Variants in RFX3 observed in about 807,000 individuals in gnomAD.
RFX3 encodes transcription factor RFX3.
RFX3 carries 14 observed loss-of-function variants against 98.6 expected under a neutral mutation model. The observed-to-expected ratio is 0.14, with a 90% CI of 0.09 to 0.22. The LOEUF is 0.22. Among genes scored for constraint, RFX3 ranks in the 10% least tolerant of loss-of-function variants. RFX3 has a pLI of 1.00. For synonymous variants in RFX3, 383 were observed against 328.4 expected (o/e 1.17, Z -1.80); for missense variants, 639 against 926.9 (o/e 0.69, Z 4.03).
At chr9:3,353,699 C>G (rs1474061522) in intron 2 of RFX3, among the ~76,000 whole-genome samples, 2 of 151,982 alleles carry the variant, frequency 1.3e-5, no homozygotes, top group African/African-American at 4.8e-5. Flanking sequence ...TAACTGACTA[C>G]CCAAAACAAA....
chr9:3,366,632 C>CT (rs33909831), intron 2 of RFX3, among the ~76,000 whole-genome samples: 16 of 145,462 alleles, frequency 1.1e-4, no homozygotes, highest in South Asian at 8.5e-4. Flanking sequence ...ATTTTCTTTT[C>CT]TTTTTTTTTT....
intron 7 of RFX3, among the ~76,000 whole-genome samples, chr9:3,285,615 G>A (rs1300912163): frequency 1.3e-5 from 2 of 151,544 alleles, no homozygotes; most frequent in African/African-American, 4.8e-5. Context: ...ATTGGCAACA[G>A]TAACACTGCA....
chr9:3,473,375 A>G (rs549670126), intron 1 of RFX3, among the ~76,000 whole-genome samples: 1 of 152,212 alleles, frequency 6.6e-6, no homozygotes, highest in African/African-American at 2.4e-5. Context: ...GAGATCTGAA[A>G]ATCACTAAAA....
At chr9:3,412,982 C>G (rs1223957187) in intron 1 of RFX3, among the ~76,000 whole-genome samples, 1 of 151,950 alleles carries the variant, frequency 6.6e-6, no homozygotes, top group African/African-American at 2.4e-5. Context: ...TATATTGAGT[C>G]TAAAAATCAC....
At chr9:3,466,831 A>G (rs1433768325) in intron 1 of RFX3, among the ~76,000 whole-genome samples, 1 of 151,802 alleles carries the variant, frequency 6.6e-6, no homozygotes, top group Non-Finnish European at 1.5e-5. Flanking sequence ...TCTATCCCTG[A>G]AACAGAATAA....
intron 1 of RFX3, among the ~76,000 whole-genome samples, chr9:3,493,000 T>C (rs1035331227): frequency 4.6e-5 from 7 of 152,156 alleles, no homozygotes; most frequent in Admixed American, 3.3e-4. Context: ...TGAATCTTCA[T>C]TATAACTCAT....
intron 1 of RFX3, among the ~76,000 whole-genome samples, chr9:3,396,388 G>A (rs1840878846): frequency 2.0e-5 from 3 of 152,222 alleles, no homozygotes; most frequent in South Asian, 4.2e-4. Flanking sequence ...TTTTATGGCT[G>A]CATAGTATTC....
intron 1 of RFX3, among the ~76,000 whole-genome samples, chr9:3,437,447 AGAATACCCT>A (rs1845234521): frequency 6.6e-6 from 1 of 152,104 alleles, no homozygotes; most frequent in Non-Finnish European, 1.5e-5. Flanking sequence ...AGAATGAACA[AGAATACCCT>A]GATTTATATA....
intron 1 of RFX3, among the ~76,000 whole-genome samples, chr9:3,518,174 T>C (rs1818359003): frequency 6.6e-6 from 1 of 152,226 alleles, no homozygotes; most frequent in Non-Finnish European, 1.5e-5. Context: ...GGGTACACTC[T>C]ATGATGTTCA....
At chr9:3,521,443 TTAAA>T (rs899711916) in intron 1 of RFX3, among the ~76,000 whole-genome samples, 3 of 152,168 alleles carry the variant, frequency 2.0e-5, no homozygotes, top group Admixed American at 1.3e-4. Flanking sequence ...ATTTTTTTCT[TTAAA>T]TAAAAGTTCT....
intron 1 of RFX3, among the ~76,000 whole-genome samples, chr9:3,505,921 T>C (rs1817045496): frequency 6.6e-6 from 1 of 151,874 alleles, no homozygotes; most frequent in African/African-American, 2.4e-5. Flanking sequence ...CCTTGAAGAA[T>C]GATCAGTTTT....
intron 2 of RFX3, among the ~76,000 whole-genome samples, chr9:3,388,960 G>C (rs1244399754): frequency 6.6e-6 from 1 of 152,110 alleles, no homozygotes; most frequent in Non-Finnish European, 1.5e-5. Context: ...AGATAGTAGA[G>C]AGGAGGACTA....
chr9:3,316,774 T>C lies in RFX3; in HGVS notation c.474+13485A>G, dbSNP rs373658629. 2.8e-4 allele frequency among the ~76,000 whole-genome samples: 42 copies of C among 152,090 alleles called. 1 individual carries two copies. In the East Asian group the frequency reaches 4.6e-3, roughly 17 times the overall value. On this transcript the variant is annotated intron_variant, in intron 4 of 16. Transcript: ENST00000617270. ...GAATGAACTCCCATTCACAATTGCA[T>C]CAAAGAGAATAAAATACCTAGGAAT... is the stretch of plus-strand genomic sequence containing the variant.
intron 1 of RFX3, chr9:3,400,292 T>C (rs1288420448): frequency 8.1e-6 from 5 of 614,010 alleles, no homozygotes; most frequent in South Asian, 7.2e-5. Context: ...AGGAATCTTA[T>C]AGAATAGAGT....
chr9:3,522,586 T>C (rs901386806), intron 1 of RFX3, among the ~76,000 whole-genome samples: 1 of 150,056 alleles, frequency 6.7e-6, no homozygotes, highest in African/African-American at 2.5e-5. Context: ...TGTGTGTGTG[T>C]GTAACTTTTG....
Position 3,462,191 on chromosome 9 carries a change from A to C in RFX3, c.-9+63556T>G, listed in dbSNP as rs191021251. Among the ~76,000 whole-genome samples the C allele has an allele frequency of 5.4e-3, 819 of 152,184 alleles. 9 individuals are homozygous for C. Among genetic ancestry groups the C allele is most frequent in the African/African-American group, 0.019 (777 of 41,560 alleles). The stretch of plus-strand genomic sequence containing the variant: ...GACAAATAACAAAATATCTGTAACA[A>C]AATCCTATCAAACCCAGCAACATAC... On this transcript the variant is annotated intron_variant, in intron 1 of 16. Transcript: ENST00000617270.
At chr9:3,485,212 CT>C (rs1163268899) in intron 1 of RFX3, among the ~76,000 whole-genome samples, 1 of 152,138 alleles carries the variant, frequency 6.6e-6, no homozygotes, top group Non-Finnish European at 1.5e-5. Context: ...AAATCTGCCC[CT>C]ATACCACCTC....
At chr9:3,398,872 AC>A (rs968750871) in intron 1 of RFX3, among the ~76,000 whole-genome samples, 1 of 148,640 alleles carries the variant, frequency 6.7e-6, no homozygotes, top group African/African-American at 2.5e-5. Context: ...TATGTAACTA[AC>A]CTGCACAATG....
At chr9:3,363,096 T>C (rs1836647323) in intron 2 of RFX3, among the ~76,000 whole-genome samples, 1 of 152,182 alleles carries the variant, frequency 6.6e-6, no homozygotes. Flanking sequence ...AGCCTACCAA[T>C]GCTAAGATTC....
Sources: allele counts gnomAD v4.1 joint callset (sites outside exome capture counted in the v4.1 genomes callset), GRCh38; gene constraint gnomAD v4.1.1; transcripts MANE v1.5; gene names NCBI Gene and HGNC (gene_info 2026-07-23, HGNC 2026-07-21).